Variants in HIVEP2 observed in about 807,000 individuals in gnomAD.
HIVEP2 encodes HIVEP zinc finger 2.
HIVEP2 carries 14 observed loss-of-function variants against 180.7 expected under a neutral mutation model. The observed-to-expected ratio is 0.08, with a 90% CI of 0.05 to 0.12. HIVEP2 has a LOEUF of 0.12. HIVEP2 is among the 10% of genes least tolerant of loss of function. HIVEP2 has a pLI of 1.00. For missense variants in HIVEP2, 2,579 were observed against 3,008.5 expected, an observed-to-expected ratio of 0.86 and a Z score of 3.34; for synonymous variants, 1,184 against 1,136.4, an observed-to-expected ratio of 1.04 and a Z score of -0.84.
rs572359361 is a variant in HIVEP2 at position 142,925,733 on chromosome 6, C to T, written c.-641+19366G>A. Among the ~76,000 whole-genome samples the T allele has an allele frequency of 7.2e-5, 11 of 152,260 alleles. No homozygotes were observed. The South Asian group carries it at 2.3e-3, about 32-fold the overall frequency. On this transcript the variant is annotated intron_variant, in intron 1 of 9. Coordinates refer to ENST00000367603, the MANE Select transcript of HIVEP2 (RefSeq NM_006734.4). ...ACTACTGAAAGCATACATAAGTCAG[C>T]GGTTAGCTTCATGACTCAGTTTAAC...
intron 1 of HIVEP2, among the ~76,000 whole-genome samples, chr6:142,858,334 C>T (rs1268429783): frequency 6.6e-6 from 1 of 152,004 alleles, no homozygotes; most frequent in Non-Finnish European, 1.5e-5. Flanking sequence ...TGCAGATCCC[C>T]CCTCTCCCCT....
intron 3 of HIVEP2, among the ~76,000 whole-genome samples, chr6:142,780,168 CT>C (rs1339652947): frequency 6.6e-6 from 1 of 152,132 alleles, no homozygotes; most frequent in Non-Finnish European, 1.5e-5. Flanking sequence ...AAATCTCTTC[CT>C]TTTAAATTTC....
In HIVEP2 at chr6:142,760,643, G is replaced by A. The variant is rs375801488; in HGVS notation, c.5645C>T (p.Ala1882Val). The A allele has an allele frequency of 6.2e-6, 10 of 1,602,400 alleles. No individual in the cohort carries two copies. Among genetic ancestry groups the A allele is most frequent in the Non-Finnish European group, 8.5e-6 (10 of 1,175,098 alleles). Residue 1882 changes from alanine to valine, a missense_variant, in exon 9 of 10, where the codon GCA becomes GTA. Physicochemically the swap from Ala to Val is moderately conservative, Grantham distance 64 (BLOSUM62 0). Around this residue, in one of 11 missense-constraint regions of HIVEP2, gnomAD observed 660 missense variants for 731.7 expected, o/e 0.90. Transcript: ENST00000367603. Reference sequence around the variant, plus strand: ...GCTGGACATGCTATGCTTCTCTGCTGCTTTGTGCAAATCTTCCAAATTTTC... The same window carrying A: ...GCTGGACATGCTATGCTTCTCTGCTACTTTGTGCAAATCTTCCAAATTTTC... ...EAENLEDLHKAAEKHSMSSIS... is the reference protein window; with the variant it reads ...EAENLEDLHKVAEKHSMSSIS...
intron 1 of HIVEP2, among the ~76,000 whole-genome samples, chr6:142,910,350 C>G (rs765009070): frequency 1.6e-4 from 24 of 152,218 alleles, no homozygotes; most frequent in Non-Finnish European, 3.1e-4. Context: ...CGCCTGTAAT[C>G]CCAGCACTTT....
chr6:142,937,977 T>C (rs1191737200), intron 1 of HIVEP2, among the ~76,000 whole-genome samples: 1 of 152,202 alleles, frequency 6.6e-6, no homozygotes, highest in Admixed American at 6.5e-5. Flanking sequence ...TGCTGATTTT[T>C]TTAAGTGTTT....
At chr6:142,815,981 G>A (rs1369629015) in intron 2 of HIVEP2, among the ~76,000 whole-genome samples, 1 of 152,150 alleles carries the variant, frequency 6.6e-6, no homozygotes, top group Admixed American at 6.5e-5. Context: ...GGACAATAGA[G>A]AGGATTTTTT....
At chr6:142,835,059 T>A (rs1028100081) in intron 2 of HIVEP2, among the ~76,000 whole-genome samples, 1 of 152,160 alleles carries the variant, frequency 6.6e-6, no homozygotes, top group African/African-American at 2.4e-5. Context: ...ACGTGATAGA[T>A]GAAATATAAT....
At chr6:142,789,523 G>T (rs902775838) in intron 2 of HIVEP2, among the ~76,000 whole-genome samples, 1 of 152,118 alleles carries the variant, frequency 6.6e-6, no homozygotes, top group Non-Finnish European at 1.5e-5. Flanking sequence ...CAGTGTTTAG[G>T]GCTATGGAAT....
rs368129471 is a variant in HIVEP2 at position 142,771,553 on chromosome 6, C to A, written c.3186G>T (p.Ser1062=). 6.2e-7 allele frequency: 1 copy of A among 1,613,914 alleles called. No individual in the cohort carries two copies. Among genetic ancestry groups the A allele is most frequent in the Non-Finnish European group, 8.5e-7 (1 of 1,180,010 alleles). ...DYGNLSHAPV[S]GAAASTVSPS... Reference sequence around the variant, plus strand: ...GTGATACCGTGGAGGCTGCTGCTCCCGACACAGGAGCATGGGACAGATTCC... The same window carrying A: ...GTGATACCGTGGAGGCTGCTGCTCCAGACACAGGAGCATGGGACAGATTCC... The change falls in exon 5 of 10, where the codon TCG becomes TCT. Residue 1062 remains serine, a synonymous_variant. Coordinates refer to ENST00000367603, the MANE Select transcript of HIVEP2 (RefSeq NM_006734.4). This position sits in a 1 kb window ranked among gnomAD's most constrained non-coding sequence, Gnocchi z 5.4.
chr6:142,793,681 C>CTCTCTCTCTCTCTCTG (rs1562521475), intron 2 of HIVEP2, among the ~76,000 whole-genome samples: 1 of 125,566 alleles, frequency 8.0e-6, no homozygotes, highest in African/African-American at 2.9e-5. Context: ...CTTTCTCTCT[C>CTCTCTCTCTCTCTCTG]TCTCTCTCTC....
chr6:142,773,121 G>A lies in HIVEP2; in HGVS notation c.1618C>T (p.Leu540Phe), dbSNP rs762752458. 6.2e-7 allele frequency: 1 copy of A among 1,614,210 alleles called. No individual in the cohort carries two copies. The highest frequency in any genetic ancestry group is 2.2e-5 in the East Asian group (1 of 44,892). ...GTTGGCACTGAGTTGCTTCTAATAA[G>A]GGGTGAAGAGTCTACAGGAGCTTCT... ...LLEAPVDSSPLIRSNSVPTSS... is the reference protein window; with the variant it reads ...LLEAPVDSSPFIRSNSVPTSS... The change falls in exon 5 of 10, where the codon CTT (leucine) becomes TTT (phenylalanine). Residue 540 changes from leucine (L) to phenylalanine (F), a missense_variant. Coordinates refer to ENST00000367603, the MANE Select transcript of HIVEP2 (RefSeq NM_006734.4).
chr6:142,798,494 T>G (rs1182385893), intron 2 of HIVEP2, among the ~76,000 whole-genome samples: 1 of 152,150 alleles, frequency 6.6e-6, no homozygotes, highest in East Asian at 1.9e-4. Flanking sequence ...TGAAACAGGT[T>G]TGGTTGGCTG....
chr6:142,790,595 C>T (rs183504979), intron 2 of HIVEP2, among the ~76,000 whole-genome samples: 36 of 152,210 alleles, frequency 2.4e-4, no homozygotes, highest in Middle Eastern at 3.4e-3. Context: ...GTTTACTATT[C>T]GGTTGCTGCA....
At chr6:142,925,464 C>T (rs1777783429) in intron 1 of HIVEP2, among the ~76,000 whole-genome samples, 1 of 152,170 alleles carries the variant, frequency 6.6e-6, no homozygotes, top group South Asian at 2.1e-4. Context: ...ACCATAACAA[C>T]TTGAACTAAG....
chr6:142,785,768 C>T (rs1775983983), intron 2 of HIVEP2, among the ~76,000 whole-genome samples: 1 of 152,116 alleles, frequency 6.6e-6, no homozygotes, highest in Admixed American at 6.5e-5. Context: ...ACAGAAGAGC[C>T]CCCTTTTTAC....
chr6:142,893,338 T>C (rs1186299095), intron 1 of HIVEP2, among the ~76,000 whole-genome samples: 2 of 152,316 alleles, frequency 1.3e-5, no homozygotes, highest in South Asian at 2.1e-4. Context: ...AGTAAAACAA[T>C]TGCTCTTATC....
chr6:142,914,827 AG>A (rs1374789340), intron 1 of HIVEP2, among the ~76,000 whole-genome samples: 14 of 152,242 alleles, frequency 9.2e-5, no homozygotes, highest in Middle Eastern at 3.4e-3. Context: ...TACTTTTTGA[AG>A]GCTTTGAATA....
At chr6:142,902,300 C>A (rs1370596020) in intron 1 of HIVEP2, among the ~76,000 whole-genome samples, 15 of 150,374 alleles carry the variant, frequency 1.0e-4, no homozygotes, top group Non-Finnish European at 1.9e-4. Context: ...GAGATGGGAA[C>A]CTCGCCTGGT....
At chr6:142,902,289 T>C (rs1007337365) in intron 1 of HIVEP2, among the ~76,000 whole-genome samples, 1 of 151,884 alleles carries the variant, frequency 6.6e-6, no homozygotes, top group Non-Finnish European at 1.5e-5. Flanking sequence ...CATAATGTGA[T>C]GAGATGGGAA....
Sources: allele counts gnomAD v4.1 joint callset (sites outside exome capture counted in the v4.1 genomes callset), GRCh38; gene constraint gnomAD v4.1.1; regional missense constraint gnomAD v4.1.1; non-coding constraint Gnocchi (gnomAD v3.1); transcripts MANE v1.5; gene names NCBI Gene and HGNC (gene_info 2026-07-23, HGNC 2026-07-21).